The following EPHA6 variants were observed in gnomAD, a reference collection of about 807,000 sequenced individuals.
EPHA6 encodes the protein ephrin type-A receptor 6.
Under a neutral mutation model 112.0 loss-of-function variants are expected in EPHA6, and 50 were observed. The ratio of observed to expected loss-of-function variants is 0.45; its 90% CI spans 0.36 to 0.56. The LOEUF is 0.56. EPHA6 is among the 20% of genes least tolerant of loss of function. The probability of loss-of-function intolerance (pLI) is 0.00; values close to 1 mark genes in which losing one functional copy is unlikely to be tolerated. For missense variants in EPHA6, 1,280 were observed against 1,417.4 expected (o/e 0.90, Z 1.56); for synonymous variants, 529 against 490.7 (o/e 1.08, Z -1.03).
intron 14 of EPHA6, among the ~76,000 whole-genome samples, chr3:97,655,686 C>A (rs112934624): frequency 1.4e-5 from 2 of 145,680 alleles, no homozygotes; most frequent in African/African-American, 5.1e-5. Context: ...AGTTCTAGAT[C>A]CCTGAGAAAT....
intron 10 of EPHA6, among the ~76,000 whole-genome samples, chr3:97,496,464 A>G (rs967375928): frequency 3.3e-5 from 5 of 152,228 alleles, no homozygotes; most frequent in African/African-American, 9.6e-5. Flanking sequence ...TTATTTGGTC[A>G]AAGTGAACCA....
chr3:97,574,615 A>G (rs907273925), intron 11 of EPHA6, among the ~76,000 whole-genome samples: 30 of 152,164 alleles, frequency 2.0e-4, no homozygotes, highest in Non-Finnish European at 2.6e-4. Flanking sequence ...AAAGGTAGGG[A>G]AAAATACTGC....
At chr3:97,402,871 T>G (rs911535973) in intron 5 of EPHA6, among the ~76,000 whole-genome samples, 2 of 152,136 alleles carry the variant, frequency 1.3e-5, no homozygotes, top group Non-Finnish European at 2.9e-5. Flanking sequence ...ACTTTGTCCT[T>G]AGAACACAAA....
In EPHA6 at chr3:97,138,954, G is replaced by A. The variant is rs79254960; in HGVS notation, c.1115-87310G>A. On this transcript the variant is annotated intron_variant, in intron 3 of 17. Transcript: ENST00000389672. ...ACCTAGGTGTGTCCCAGTGCCACCT[G>A]ATATGCTGAAAACTCTGGGTCAGTG... 2.9e-3 allele frequency among the ~76,000 whole-genome samples: 439 copies of A among 152,300 alleles called. 4 individuals are homozygous for A. Among genetic ancestry groups the A allele is most frequent in the African/African-American group, 0.01 (427 of 41,562 alleles).
At chr3:97,269,755 C>T (rs1210250122) in intron 5 of EPHA6, among the ~76,000 whole-genome samples, 2 of 151,700 alleles carry the variant, frequency 1.3e-5, no homozygotes, top group Admixed American at 1.3e-4. Context: ...ATCAGTCATT[C>T]TCTTCCAACA....
chr3:97,510,798 C>T (rs935061417), intron 10 of EPHA6, among the ~76,000 whole-genome samples: 1 of 152,248 alleles, frequency 6.6e-6, no homozygotes, highest in African/African-American at 2.4e-5. Context: ...GCTGCCCCTT[C>T]TCCCAGGTGC....
At chr3:97,177,873 G>C (rs1293498255) in intron 3 of EPHA6, among the ~76,000 whole-genome samples, 2 of 152,008 alleles carry the variant, frequency 1.3e-5, no homozygotes, top group Non-Finnish European at 2.9e-5. Flanking sequence ...GTAGACAACA[G>C]ATCAGTGGGT....
intron 3 of EPHA6, among the ~76,000 whole-genome samples, chr3:97,003,286 T>G (rs2043740396): frequency 6.6e-6 from 1 of 152,094 alleles, no homozygotes; most frequent in Non-Finnish European, 1.5e-5. Context: ...TTTTGTATTT[T>G]TAGTAGAGAT....
intron 1 of EPHA6, among the ~76,000 whole-genome samples, chr3:96,847,685 G>A (rs555300390): frequency 3.9e-5 from 6 of 152,098 alleles, no homozygotes; most frequent in African/African-American, 1.4e-4. Context: ...TGCTAACTAG[G>A]GAATAAATTG....
intron 2 of EPHA6, among the ~76,000 whole-genome samples, chr3:96,887,601 C>T (rs2037705510): frequency 6.6e-6 from 1 of 152,174 alleles, no homozygotes; most frequent in Non-Finnish European, 1.5e-5. Flanking sequence ...CTCCAGAGAG[C>T]ACCAGCTGTG....
intron 3 of EPHA6, among the ~76,000 whole-genome samples, chr3:96,991,096 C>A (rs540490456): frequency 6.6e-6 from 1 of 152,146 alleles, no homozygotes; most frequent in East Asian, 1.9e-4. Flanking sequence ...TTCAAGCGAT[C>A]CTCCTGCCTT....
At position 97,455,713 on chromosome 3, in the gene EPHA6, C is replaced by A. The variant is rs141052562; in HGVS notation, c.1894+6983C>A. 6.1e-4 allele frequency among the ~76,000 whole-genome samples: 92 copies of A among 151,998 alleles called. 1 individual carries two copies. The East Asian group carries it at 6.4e-3, about 11-fold the overall frequency. On this transcript the variant is annotated intron_variant, in intron 7 of 17. Transcript: ENST00000389672. Reference sequence around the variant, plus strand: ...TAATGCATATTTCTGGATTAATGTACACATGGTAGACCAAGTATAACACTC... The same window carrying A: ...TAATGCATATTTCTGGATTAATGTAAACATGGTAGACCAAGTATAACACTC...
intron 6 of EPHA6, among the ~76,000 whole-genome samples, chr3:97,421,888 T>C (rs764672267): frequency 6.6e-5 from 10 of 151,854 alleles, no homozygotes; most frequent in Non-Finnish European, 1.2e-4. Flanking sequence ...CACTAGGTAA[T>C]AGGTACTGGG....
intron 11 of EPHA6, among the ~76,000 whole-genome samples, chr3:97,534,457 C>A (rs1251301349): frequency 1.3e-5 from 2 of 150,052 alleles, no homozygotes; most frequent in African/African-American, 4.9e-5. Context: ...AACCCACCCC[C>A]CCCTTTTTTT....
At chr3:97,647,697 A>G (rs2094076038) in intron 14 of EPHA6, among the ~76,000 whole-genome samples, 1 of 152,112 alleles carries the variant, frequency 6.6e-6, no homozygotes, top group Non-Finnish European at 1.5e-5. Flanking sequence ...ATCTGATTAC[A>G]TGGTCTCCTG....
At chr3:97,080,069 G>A (rs2046673462) in intron 3 of EPHA6, among the ~76,000 whole-genome samples, 1 of 152,112 alleles carries the variant, frequency 6.6e-6, no homozygotes, top group South Asian at 2.1e-4. Context: ...GTTTATTGGG[G>A]TGGTTTGTTA....
At chr3:96,838,921 T>C (rs956848984) in intron 1 of EPHA6, among the ~76,000 whole-genome samples, 6 of 152,224 alleles carry the variant, frequency 3.9e-5, no homozygotes, top group African/African-American at 1.4e-4. Context: ...CTTTAACTAG[T>C]GGTCATTTCT....
At chr3:97,453,756 T>C (rs141074193) in intron 7 of EPHA6, among the ~76,000 whole-genome samples, 1 of 151,848 alleles carries the variant, frequency 6.6e-6, no homozygotes, top group African/African-American at 2.4e-5. Context: ...GTATGGTTGA[T>C]ATGTAAGAAA....
At position 97,636,021 on chromosome 3, in the gene EPHA6, GACTA is replaced by G. The variant is rs147592513; in HGVS notation, c.2575-1847_2575-1844del. On this transcript the variant is annotated intron_variant, in intron 13 of 17. Transcript: ENST00000389672. ...CACATATAATAACAGTAATAACAAGGACTAACTATTATTAAATTAAGTGAGGAGC... is the reference window on the plus strand; with the variant it reads ...CACATATAATAACAGTAATAACAAGGACTATTATTAAATTAAGTGAGGAGC... Among the ~76,000 whole-genome samples, 515 of 152,028 alleles carry G rather than the reference GACTA, an allele frequency of 3.4e-3. 3 individuals are homozygous for G. The highest frequency in any genetic ancestry group is 0.012 in the African/African-American group (492 of 41,504).
Sources: gnomAD v4.1 joint callset for allele counts (sites outside exome capture counted in the v4.1 genomes callset) on GRCh38, gnomAD v4.1.1 for gene constraint, MANE v1.5 for transcripts, NCBI Gene and HGNC (gene_info 2026-07-23, HGNC 2026-07-21) for gene names.